The following DLG2 variants were observed in gnomAD, a reference collection of about 807,000 sequenced individuals.
DLG2 encodes the protein disks large homolog 2.
In DLG2, 45 loss-of-function variants were observed where a neutral mutation model predicts 132.5. The ratio of observed to expected loss-of-function variants is 0.34; its 90% CI spans 0.27 to 0.44. DLG2 has a LOEUF of 0.44. Among genes scored for constraint, DLG2 ranks in the 20% least tolerant of loss-of-function variants. DLG2 has a pLI of 1.00. For synonymous variants in DLG2, 424 were observed against 419.6 expected (o/e 1.01, Z -0.13); for missense variants, 1,045 against 1,196.9 (o/e 0.87, Z 1.87).
chr11:83,587,793 G>A lies in DLG2; in HGVS notation c.1940+45418C>T, dbSNP rs1031934179. Reference sequence around the variant, plus strand: ...AGGTCAGTGGGTGCGCGCACCGTGCGCGAGCCGAAGCAGGGCGAGGCATTG... The same window carrying A: ...AGGTCAGTGGGTGCGCGCACCGTGCACGAGCCGAAGCAGGGCGAGGCATTG... On this transcript the variant is annotated intron_variant, in intron 19 of 27. Coordinates refer to ENST00000376104, the MANE Select transcript of DLG2 (RefSeq NM_001142699.3). Among the ~76,000 whole-genome samples the A allele has an allele frequency of 5.3e-5, 8 of 152,112 alleles. No homozygotes were observed. In the East Asian group the frequency reaches 5.8e-4, roughly 11 times the overall value.
rs1591974716 is a variant in DLG2 at position 84,967,621 on chromosome 11, G to A, written c.357+144040C>T. ...TATTATTTTTTAAACTCATGATGTG[G>A]CAAATGACCCCTTTAGTGAATCTTA... On this transcript the variant is annotated intron_variant, in intron 6 of 27. Transcript: ENST00000376104. 4.6e-5 allele frequency among the ~76,000 whole-genome samples: 7 copies of A among 152,004 alleles called. No individual in the cohort carries two copies. In the South Asian group the frequency reaches 1.5e-3, roughly 32 times the overall value.
At chr11:84,596,530 T>C (rs1417174737) in intron 6 of DLG2, among the ~76,000 whole-genome samples, 2 of 152,026 alleles carry the variant, frequency 1.3e-5, no homozygotes, top group East Asian at 3.9e-4. Context: ...GCCTACTCTG[T>C]TGAAATTTCT....
chr11:84,663,463 G>T (rs2099696844), intron 6 of DLG2, among the ~76,000 whole-genome samples: 1 of 151,946 alleles, frequency 6.6e-6, no homozygotes, highest in Non-Finnish European at 1.5e-5. Flanking sequence ...TAAAAGGCAG[G>T]TACCTTTTCT....
At chr11:85,582,651 C>T in intron 3 of DLG2, among the ~76,000 whole-genome samples, 1 of 51,590 alleles carries the variant, frequency 1.9e-5, no homozygotes, top group African/African-American at 6.8e-5. Flanking sequence ...TGGTGAAACC[C>T]CATCTCTACA....
intron 3 of DLG2, among the ~76,000 whole-genome samples, chr11:85,570,232 T>C (rs531594310): frequency 7.4e-4 from 113 of 152,310 alleles, no homozygotes; most frequent in African/African-American, 2.6e-3. Context: ...TGTGGTTATC[T>C]GATATTATAT....
At chr11:84,874,475 A>T (rs976676090) in intron 6 of DLG2, among the ~76,000 whole-genome samples, 7 of 152,170 alleles carry the variant, frequency 4.6e-5, no homozygotes, top group Non-Finnish European at 7.3e-5. Context: ...GCAGGGGGTA[A>T]TCACCCAGCA....
At chr11:84,953,727 T>A (rs2051258247) in intron 6 of DLG2, among the ~76,000 whole-genome samples, 1 of 152,216 alleles carries the variant, frequency 6.6e-6, no homozygotes, top group East Asian at 1.9e-4. Context: ...TACAATATGA[T>A]GTCTCTAGAA....
At chr11:84,676,882 G>T (rs2099713034) in intron 6 of DLG2, among the ~76,000 whole-genome samples, 1 of 152,038 alleles carries the variant, frequency 6.6e-6, no homozygotes, top group Non-Finnish European at 1.5e-5. Context: ...TGGGGGAAAA[G>T]CAGGAAAAGA....
chr11:84,014,776 A>G (rs12291567), intron 11 of DLG2, among the ~76,000 whole-genome samples: 26,912 of 152,044 alleles, frequency 0.18, 3,434 homozygotes, highest in African/African-American at 0.36. Flanking sequence ...ACAATCCAAT[A>G]TAAAATCAAT....
intron 7 of DLG2, among the ~76,000 whole-genome samples, chr11:84,310,024 G>A (rs182343084): frequency 3.3e-5 from 5 of 152,196 alleles, no homozygotes; most frequent in Admixed American, 2.6e-4. Context: ...GGAGGGAAGC[G>A]ATCTTCAGAG....
chr11:85,518,118 T>C (rs1452446556), intron 3 of DLG2, among the ~76,000 whole-genome samples: 1 of 152,058 alleles, frequency 6.6e-6, no homozygotes. Context: ...AACAGACTAA[T>C]AGAGTAAATT....
At chr11:85,498,970 T>A (rs559332661) in intron 3 of DLG2, among the ~76,000 whole-genome samples, 2 of 152,114 alleles carry the variant, frequency 1.3e-5, no homozygotes, top group Non-Finnish European at 2.9e-5. Flanking sequence ...TAGCACTAAA[T>A]GCCCACAAGA....
chr11:83,573,902 T>G (rs1275690388), intron 19 of DLG2, among the ~76,000 whole-genome samples: 2 of 152,160 alleles, frequency 1.3e-5, no homozygotes, highest in African/African-American at 2.4e-5. Context: ...GCTTTTGATA[T>G]GGATAGATTT....
intron 6 of DLG2, among the ~76,000 whole-genome samples, chr11:84,993,627 T>C (rs1020570973): frequency 9.2e-5 from 14 of 151,952 alleles, no homozygotes; most frequent in Non-Finnish European, 1.6e-4. Flanking sequence ...GGGAGGAGGG[T>C]CAGCAGAAGT....
chr11:84,803,614 A>G (rs1304794694), intron 6 of DLG2, among the ~76,000 whole-genome samples: 4 of 152,232 alleles, frequency 2.6e-5, no homozygotes, highest in Admixed American at 6.5e-5. Context: ...AAATGAAACT[A>G]TGATTCCAAT....
intron 3 of DLG2, among the ~76,000 whole-genome samples, chr11:85,576,498 T>G (rs1018564094): frequency 3.3e-5 from 5 of 152,164 alleles, no homozygotes; most frequent in Non-Finnish European, 7.4e-5. Context: ...TTTAAATGGA[T>G]TTTTTGAACA....
intron 19 of DLG2, among the ~76,000 whole-genome samples, chr11:83,593,508 G>T (rs1003873408): frequency 1.8e-4 from 27 of 151,990 alleles, no homozygotes; most frequent in South Asian, 6.2e-4. Context: ...GTTGGCGGAG[G>T]GGGGAGGGAT....
intron 4 of DLG2, among the ~76,000 whole-genome samples, chr11:85,162,645 A>C (rs989722071): frequency 1.3e-5 from 2 of 152,226 alleles, no homozygotes; most frequent in Non-Finnish European, 2.9e-5. Context: ...TATCAGCATT[A>C]AAGTATTGTT....
At chr11:83,976,732 T>G (rs1282965508) in intron 12 of DLG2, among the ~76,000 whole-genome samples, 1 of 151,974 alleles carries the variant, frequency 6.6e-6, no homozygotes, top group Non-Finnish European at 1.5e-5. Context: ...CCTATTACTG[T>G]TGAAGTTTCT....
Sources: allele counts gnomAD v4.1 joint callset (sites outside exome capture counted in the v4.1 genomes callset), GRCh38; gene constraint gnomAD v4.1.1; transcripts MANE v1.5; gene names NCBI Gene and HGNC (gene_info 2026-07-23, HGNC 2026-07-21).